KMT2D: variants seen among roughly 807,000 people sequenced by gnomAD.
The protein encoded by KMT2D is histone-lysine N-methyltransferase 2D.
Under a neutral mutation model 512.7 loss-of-function variants are expected in KMT2D, and 55 were observed. That is an observed-to-expected ratio of 0.11 (90% CI 0.09 to 0.13). KMT2D has a LOEUF of 0.13. KMT2D is among the 10% of genes least tolerant of loss of function. KMT2D has a pLI of 1.00. For synonymous variants in KMT2D, 2,995 were observed against 2,904.0 expected (o/e 1.03, Z -1.01); for missense variants, 6,061 against 7,127.9 (o/e 0.85, Z 5.39).
chr12:49,032,336 T>C lies in KMT2D; in HGVS notation c.12369A>G (p.Ser4123=), dbSNP rs1335085920. Residue 4123 remains serine, a synonymous_variant, in exon 40 of 55, where the codon TCA becomes TCG. Transcript: ENST00000301067. ...GGSHGQLGSG[S]SSEASSVPHL... ...GGGGCACAGATGAGGCCTCAGAAGATGATCCACTGCCTAGCTGCCCATGGC... is the reference window on the plus strand; with the variant it reads ...GGGGCACAGATGAGGCCTCAGAAGACGATCCACTGCCTAGCTGCCCATGGC... The C allele has an allele frequency of 1.9e-6, 3 of 1,613,764 alleles. No homozygotes were observed. In the Admixed American group the frequency reaches 5.0e-5, roughly 27 times the overall value.
rs1307253310 is a variant in KMT2D at position 49,030,512 on chromosome 12, T to TACGTC, written c.13840-78_13840-74dup. ...CTGATATAATCTCCTGGCCCCACTC[T>TACGTC]ACGTCAGCAATTCCCTCAAGTTTTC... On this transcript the variant is annotated intron_variant, in intron 42 of 54. Coordinates refer to ENST00000301067, the MANE Select transcript of KMT2D (RefSeq NM_003482.4). 27 of 1,443,244 alleles carry TACGTC rather than the reference T, an allele frequency of 1.9e-5. No homozygotes were observed. The East Asian group carries it at 5.5e-4, about 29-fold the overall frequency. 89.4% of individuals were successfully genotyped at this position (1,443,244 alleles called of 1,614,324 possible). A position where few individuals can be genotyped will look rare whatever the true frequency, so the allele number is the denominator to read the frequency against.
At chr12:49,027,409 A>C in intron 48 of KMT2D, 87 bp from the exon 49 acceptor site, 1 of 1,080,326 alleles carries the variant, frequency 9.3e-7, no homozygotes, top group Non-Finnish European at 1.3e-6. Flanking sequence ...ACCCTCCCAA[A>C]AGGCCTCCAC....
rs755154605 is a variant in KMT2D, at chr12:49,037,957, T to C, written c.9399A>G (p.Gln3133=). The C allele has an allele frequency of 6.7e-5, 108 of 1,603,592 alleles. No homozygotes were observed. Among genetic ancestry groups the C allele is most frequent in the South Asian group, 5.9e-4 (53 of 89,534 alleles). ...CTACCTTGGGGGTAGCAATGGTGAATTGGCAAGGAGAAGGGTGGCGTCCAC... is the reference window on the plus strand; with the variant it reads ...CTACCTTGGGGGTAGCAATGGTGAACTGGCAAGGAGAAGGGTGGCGTCCAC... ...EEGGRHPSPC[Q]FTIATPKVEP... Residue 3133 remains glutamine, a synonymous_variant, in exon 35 of 55, where the codon CAA becomes CAG. Transcript: ENST00000301067.
rs1232180932 is a variant in KMT2D at position 49,026,416 on chromosome 12, C to G, written c.15550G>C (p.Val5184Leu). Residue 5184 changes from valine to leucine, a missense_variant, in exon 49 of 55, where the codon GTG (valine) becomes CTG (leucine). This residue lies in a region of KMT2D where 261 missense variants were observed against 440.7 expected (regional missense o/e 0.59). Transcript: ENST00000301067. This position sits in a 1 kb window ranked among gnomAD's most constrained non-coding sequence, Gnocchi z 9.6. ...RLHMFRVGGLVFHAIGQLLPH... is the reference protein window; with the variant it reads ...RLHMFRVGGLLFHAIGQLLPH... ...AGCAGCTGTCCGATGGCGTGGAACA[C>G]AAGGCCCCCCACACGGAACATGTGC... is the stretch of plus-strand genomic sequence containing the variant. The G allele has an allele frequency of 5.6e-6, 9 of 1,613,994 alleles. No individual in the cohort carries two copies. In the South Asian group the frequency reaches 9.9e-5, roughly 18 times the overall value.
At position 49,027,066 on chromosome 12, in the gene KMT2D, G is replaced by A. The variant is rs2120367049; in HGVS notation, c.14900C>T (p.Pro4967Leu). ...ACGGGAATCTTCACCTTCTTCAGGG[G>A]GCCGGGCACGGGGCTTGGGTCGGGC... ...ESARPKPRARPPEEGEDSRPP... is the reference protein window; with the variant it reads ...ESARPKPRARLPEEGEDSRPP... Residue 4967 changes from proline (P) to leucine (L), a missense_variant, in exon 49 of 55, where the codon CCC becomes CTC. By Grantham distance (98) the Pro-to-Leu change is moderately conservative. Around this residue, in one of 16 missense-constraint regions of KMT2D, gnomAD observed 1,600 missense variants for 1,754.9 expected, o/e 0.91. Coordinates refer to ENST00000301067, the MANE Select transcript of KMT2D (RefSeq NM_003482.4). 1 of 1,613,670 alleles carries A rather than the reference G, an allele frequency of 6.2e-7. No homozygotes were observed.
chr12:49,048,995 G>A (rs1937733152), intron 13 of KMT2D, 110 bp downstream of exon 13: 2 of 769,462 alleles, frequency 2.6e-6, no homozygotes, highest in Admixed American at 4.2e-5. Context: ...GACATAGCCA[G>A]ACAGGCCCTA....
Position 49,044,257 on chromosome 12 carries a change from T to G in KMT2D, c.5131A>C (p.Lys1711Gln). ...VRQRKSHTRTKKGPAAQAEVL... is the reference protein window; with the variant it reads ...VRQRKSHTRTQKGPAAQAEVL... ...TCCGCCTGTGCAGCAGGCCCCTTTT[T>G]CGTGCGTGTGTGGGATTTCCGCTGT... Residue 1711 changes from lysine (K) to glutamine (Q), a missense_variant, in exon 22 of 55, where the codon AAA becomes CAA. Coordinates refer to ENST00000301067, the MANE Select transcript of KMT2D (RefSeq NM_003482.4). The surrounding 1 kb of genome is among the most constrained non-coding windows in gnomAD (Gnocchi z 6.4). The G allele has an allele frequency of 6.2e-7, 1 of 1,613,060 alleles. No homozygotes were observed. The highest frequency in any genetic ancestry group is 1.3e-5 in the African/African-American group (1 of 74,988).
Position 49,052,932 on chromosome 12 carries a change from A to T in KMT2D, c.1095T>A (p.His365Gln). The T allele has an allele frequency of 6.2e-7, 1 of 1,614,018 alleles. No homozygotes were observed. Among genetic ancestry groups the T allele is most frequent in the Non-Finnish European group, 8.5e-7 (1 of 1,179,864 alleles). ...GQTIRSVAEQ[H>Q]TPVCSRFSPP... is the part of the protein sequence containing the mutation. ...CCACTTACCTGCTACACACCGGGGT[A>T]TGCTGCTCAGCAACGGAGCGGATAG... Residue 365 changes from histidine (H) to glutamine (Q), a missense_variant, in exon 9 of 55, where the codon CAT becomes CAA. By Grantham distance (24) the His-to-Gln change is conservative. This residue lies in a region of KMT2D where 848 missense variants were observed against 838.5 expected (regional missense o/e 1.01). Transcript: ENST00000301067.
rs1401975102 is a variant in KMT2D, at chr12:49,028,058, G to A, written c.14466C>T (p.Ser4822=). 6.2e-7 allele frequency: 1 copy of A among 1,613,956 alleles called. No homozygotes were observed. Among genetic ancestry groups the A allele is most frequent in the East Asian group, 2.2e-5 (1 of 44,878 alleles). Residue 4822 remains serine, a synonymous_variant, in exon 47 of 55, where the codon AGC becomes AGT. Transcript: ENST00000301067. ...PNSYEVLFPE[S]PARAGTEPKK... ...TTGGCTCAGTGCCTGCCCGGGCGGG[G>A]CTCTCTGGGAACAGCACCTCATAGG...
intron 1 of KMT2D, among the ~76,000 whole-genome samples, 182 bp from the exon 2 acceptor site, chr12:49,055,543 A>G (rs1050750112): frequency 6.6e-6 from 1 of 152,236 alleles, no homozygotes; most frequent in Non-Finnish European, 1.5e-5. Flanking sequence ...TCCCCAGATA[A>G]ACACATACGC....
rs2120493479 is a variant in KMT2D, at chr12:49,038,280, C to T, written c.9076G>A (p.Gly3026Ser). The T allele has an allele frequency of 1.2e-6, 2 of 1,613,818 alleles. No homozygotes were observed. Among genetic ancestry groups the T allele is most frequent in the Non-Finnish European group, 8.5e-7 (1 of 1,179,888 alleles). Residue 3026 changes from glycine to serine, a missense_variant, in exon 35 of 55, where the codon GGC (glycine) becomes AGC (serine). Around this residue, in one of 16 missense-constraint regions of KMT2D, gnomAD observed 21 missense variants for 74.3 expected, o/e 0.28. Transcript: ENST00000301067. The surrounding 1 kb of genome is among the most constrained non-coding windows in gnomAD (Gnocchi z 5.7). The stretch of plus-strand genomic sequence containing the variant: ...TTGGTCTCCAGGTTTTCTAAGGTGC[C>T]AAGTTCATCATCACCCTTGGCCACA... The part of the protein sequence containing the change: ...VDVAKGDDEL[G>S]TLENLETNDP...
chr12:49,048,764 A>G lies in KMT2D; in HGVS notation c.4026T>C (p.Ala1342=). Reference sequence around the variant, plus strand: ...CCTTACTGGGAGAGCTATCAATGTCAGCAACCTGATGGGCAGAGAGTTATG... The same window carrying G: ...CCTTACTGGGAGAGCTATCAATGTCGGCAACCTGATGGGCAGAGAGTTATG... The part of the protein sequence containing the change: ...TASSIETLVV[A]DIDSSPSKEE... The change falls in exon 14 of 55, where the codon GCT becomes GCC. Residue 1342 remains alanine, a synonymous_variant. Coordinates refer to ENST00000301067, the MANE Select transcript of KMT2D (RefSeq NM_003482.4). 6.3e-7 allele frequency: 1 copy of G among 1,596,698 alleles called. No homozygotes were observed. Among genetic ancestry groups the G allele is most frequent in the African/African-American group, 1.3e-5 (1 of 74,292 alleles).
rs1938129887 is a variant in KMT2D at position 49,052,444 on chromosome 12, A to G, written c.1259-20T>C. 6.5e-7 allele frequency: 1 copy of G among 1,541,202 alleles called. No homozygotes were observed. The highest frequency in any genetic ancestry group is 1.4e-5 in the African/African-American group (1 of 72,968). On this transcript the variant is annotated intron_variant, in intron 10 of 54. Transcript: ENST00000301067. The stretch of plus-strand genomic sequence containing the variant: ...CTTTCCCTGCAGACACAACAACACG[A>G]TGCTCCTATCTAGCTCAGATCTACT...
rs2137714810 is a variant in KMT2D, at chr12:49,026,223, T to C, written c.15743A>G (p.Gln5248Arg). ...RPEFVIKVIE[Q>R]GLEDLVFTDA... is the part of the protein sequence containing the mutation. ...AGTGAAGACCAGGTCCTCCAGGCCC[T>C]GCTCGATGACTTTGATTACAAACTC... The change falls in exon 49 of 55, where the codon CAG (glutamine) becomes CGG (arginine). Residue 5248 changes from glutamine to arginine, a missense_variant. Around this residue, in one of 16 missense-constraint regions of KMT2D, gnomAD observed 261 missense variants for 440.7 expected, o/e 0.59. Transcript: ENST00000301067. This position sits in a 1 kb window ranked among gnomAD's most constrained non-coding sequence, Gnocchi z 9.6. The C allele has an allele frequency of 1.9e-6, 3 of 1,599,932 alleles. No individual in the cohort carries two copies. The highest frequency in any genetic ancestry group is 2.6e-6 in the Non-Finnish European group (3 of 1,168,592).
rs952558867 is a variant in KMT2D at position 49,020,267 on chromosome 12, C to T, written c.*1513G>A. 37 of 173,832 alleles carry T rather than the reference C, an allele frequency of 2.1e-4. No homozygotes were observed. The highest frequency in any genetic ancestry group is 8.6e-4 in the African/African-American group (36 of 42,050). The allele number at this position is 173,832 out of a possible 1,614,324, so 10.8% of individuals were successfully genotyped here. ...GCCCAGCCTCTATACCCCCATCTTA[C>T]AGCAGTCACAGCCAGGGGGTGGGGA... On this transcript the variant is annotated 3_prime_UTR_variant, in exon 55 of 55. Coordinates refer to ENST00000301067, the MANE Select transcript of KMT2D (RefSeq NM_003482.4).
At position 49,026,860 on chromosome 12, in the gene KMT2D, G is replaced by A. The variant is rs2120363733; in HGVS notation, c.15106C>T (p.His5036Tyr). The A allele has an allele frequency of 1.9e-6, 3 of 1,613,988 alleles. 1 individual carries two copies. The highest frequency in any genetic ancestry group is 2.2e-5 in the South Asian group (2 of 91,086). The change falls in exon 49 of 55, where the codon CAT becomes TAT. Residue 5036 changes from histidine (H) to tyrosine (Y), a missense_variant. His to Tyr is a moderately conservative substitution (Grantham distance 83). Transcript: ENST00000301067. The surrounding 1 kb of genome is among the most constrained non-coding windows in gnomAD (Gnocchi z 9.6). The part of the protein sequence containing the change: ...PRDMRRCCFC[H>Y]EEGDGATDGP... ...TCAGTGGCCCCGTCACCCTCCTCAT[G>A]ACAGAAACAGCAGCGACGCATGTCT... is the stretch of plus-strand genomic sequence containing the variant.
At chr12:49,056,968 C>A (rs951108585) in intron 1 of KMT2D, among the ~76,000 whole-genome samples, 1 of 152,198 alleles carries the variant, frequency 6.6e-6, no homozygotes, top group Non-Finnish European at 1.5e-5. Flanking sequence ...TCTCAGAACT[C>A]ACTGGATAAA....
chr12:49,045,066 C>T lies in KMT2D; in HGVS notation c.4742-101G>A, dbSNP rs974870487. ...TCCTTAGCTGAGACAAAGGCAGTGA[C>T]AAAAGTCCAGCTTAGGGTCTAAATG... On this transcript the variant is annotated intron_variant, in intron 19 of 54. Coordinates refer to ENST00000301067, the MANE Select transcript of KMT2D (RefSeq NM_003482.4). The T allele has an allele frequency of 3.4e-6, 4 of 1,169,470 alleles. No individual in the cohort carries two copies. In the African/African-American group the frequency reaches 6.1e-5, roughly 18 times the overall value. The allele number at this position is 1,169,470 out of a possible 1,614,324, so 72.4% of individuals were successfully genotyped here. A position where few individuals can be genotyped will look rare whatever the true frequency, so the allele number is the denominator to read the frequency against.
intron 51 of KMT2D, among the ~76,000 whole-genome samples, chr12:49,023,639 T>C (rs1942433672): frequency 6.6e-6 from 1 of 152,202 alleles, no homozygotes; most frequent in African/African-American, 2.4e-5. Flanking sequence ...ATAAACTAGA[T>C]GACAATGGAG....
Sources: allele counts gnomAD v4.1 joint callset (sites outside exome capture counted in the v4.1 genomes callset), GRCh38; gene constraint gnomAD v4.1.1; regional missense constraint gnomAD v4.1.1; non-coding constraint Gnocchi (gnomAD v3.1); transcripts MANE v1.5; gene names NCBI Gene and HGNC (gene_info 2026-07-23, HGNC 2026-07-21).